The following IMMP2L variants were observed in gnomAD, a reference collection of about 807,000 sequenced individuals.
The protein encoded by IMMP2L is mitochondrial inner membrane protease subunit 2.
In IMMP2L, 18 loss-of-function variants were observed where a neutral mutation model predicts 19.3. The observed-to-expected ratio is 0.93, with a 90% CI of 0.64 to 1.38. The LOEUF (loss-of-function observed/expected upper bound fraction) is 1.38, where lower values mean the gene tolerates loss of function less well. Ranked by LOEUF, IMMP2L falls within the 40% of genes most tolerant of loss-of-function variation. The pLI, the probability that IMMP2L is intolerant of heterozygous loss-of-function variation, is 0.00. For synonymous variants in IMMP2L, 76 were observed against 73.0 expected (o/e 1.04, Z -0.21); for missense variants, 233 against 218.2 (o/e 1.07, Z -0.43).
chr7:111,346,411 T>C (rs1827569631), intron 3 of IMMP2L, among the ~76,000 whole-genome samples: 2 of 152,078 alleles, frequency 1.3e-5, no homozygotes, highest in African/African-American at 4.8e-5. Flanking sequence ...CCAGAATCTG[T>C]TATTCAATAT....
intron 2 of IMMP2L, among the ~76,000 whole-genome samples, chr7:111,513,494 G>T (rs1845629980): frequency 6.6e-6 from 1 of 152,100 alleles, no homozygotes; most frequent in South Asian, 2.1e-4. Context: ...GAGAACCCTT[G>T]TGCTCTATTG....
At chr7:110,847,862 A>G (rs968563603) in intron 5 of IMMP2L, among the ~76,000 whole-genome samples, 1 of 152,164 alleles carries the variant, frequency 6.6e-6, no homozygotes, top group Non-Finnish European at 1.5e-5. Context: ...TTGCAAAATA[A>G]TAATAATAAA....
At chr7:111,366,682 G>A (rs748107191) in intron 3 of IMMP2L, among the ~76,000 whole-genome samples, 4 of 151,898 alleles carry the variant, frequency 2.6e-5, no homozygotes, top group Admixed American at 6.6e-5. Context: ...ATTGCATTGC[G>A]ATATTTAGAG....
In IMMP2L at chr7:111,435,350, C is replaced by G. The variant is rs1487667456; in HGVS notation, c.239+51888G>C. 4.0e-5 allele frequency among the ~76,000 whole-genome samples: 6 copies of G among 151,890 alleles called. No homozygotes were observed. The South Asian group carries it at 6.2e-4, about 16-fold the overall frequency. On this transcript the variant is annotated intron_variant, in intron 3 of 5. Coordinates refer to ENST00000405709, the MANE Select transcript of IMMP2L (RefSeq NM_032549.4). ...TATACAACTTAGAATACTATGCAGTCATAAAAAAGAATGAAATAATGTCCT... is the reference window on the plus strand; with the variant it reads ...TATACAACTTAGAATACTATGCAGTGATAAAAAAGAATGAAATAATGTCCT...
intron 5 of IMMP2L, among the ~76,000 whole-genome samples, chr7:110,725,002 A>G (rs115416121): frequency 0.013 from 1,907 of 152,320 alleles, 36 homozygotes; most frequent in African/African-American, 0.043. Context: ...CTGAGGGAGT[A>G]TAGAATAGCA....
chr7:110,775,501 C>T lies in IMMP2L; in HGVS notation c.408+111092G>A, dbSNP rs565072908. Among the ~76,000 whole-genome samples the T allele has an allele frequency of 2.0e-5, 3 of 152,122 alleles. 1 individual carries two copies. The highest frequency in any genetic ancestry group is 7.2e-5 in the African/African-American group (3 of 41,538). On this transcript the variant is annotated intron_variant, in intron 5 of 5. Coordinates refer to ENST00000405709, the MANE Select transcript of IMMP2L (RefSeq NM_032549.4). The stretch of plus-strand genomic sequence containing the variant: ...CTTAAACTAGTAGAGAAAACCATGA[C>T]TAGAGAGCAGCCCATGGAGGTTTTA...
intron 5 of IMMP2L, among the ~76,000 whole-genome samples, chr7:110,810,264 T>C (rs1801945024): frequency 6.6e-6 from 1 of 152,120 alleles, no homozygotes; most frequent in African/African-American, 2.4e-5. Flanking sequence ...AATTCACATA[T>C]GGCTGCTGAT....
intron 3 of IMMP2L, among the ~76,000 whole-genome samples, chr7:111,447,625 G>C (rs576242957): frequency 6.6e-6 from 1 of 151,420 alleles, no homozygotes. Context: ...AAAGACCATC[G>C]AGACTAGGAA....
chr7:110,860,179 C>G (rs886366904), intron 5 of IMMP2L, among the ~76,000 whole-genome samples: 3 of 151,630 alleles, frequency 2.0e-5, no homozygotes, highest in Non-Finnish European at 4.4e-5. Flanking sequence ...TATATAAAGC[C>G]AAGAAACTGA....
At position 110,725,412 on chromosome 7, in the gene IMMP2L, A is replaced by G. The variant is rs115508836; in HGVS notation, c.409-61691T>C. Among the ~76,000 whole-genome samples the G allele has an allele frequency of 5.3e-3, 811 of 152,308 alleles. 10 individuals are homozygous for G. The highest frequency in any genetic ancestry group is 0.019 in the African/African-American group (774 of 41,592). ...TCTTGGCCTCCTATCCTTTGGAAATAGATGAAAGATTTTATTAATAATTAA... is the reference window on the plus strand; with the variant it reads ...TCTTGGCCTCCTATCCTTTGGAAATGGATGAAAGATTTTATTAATAATTAA... On this transcript the variant is annotated intron_variant, in intron 5 of 5. Coordinates refer to ENST00000405709, the MANE Select transcript of IMMP2L (RefSeq NM_032549.4).
intron 3 of IMMP2L, among the ~76,000 whole-genome samples, chr7:111,241,699 G>GTA (rs1291776950): frequency 2.7e-5 from 4 of 150,598 alleles, no homozygotes; most frequent in East Asian, 1.9e-4. Flanking sequence ...AGTATAAATT[G>GTA]TATATATATA....
intron 3 of IMMP2L, among the ~76,000 whole-genome samples, chr7:111,084,214 T>G (rs1293282903): frequency 6.6e-6 from 1 of 151,200 alleles, no homozygotes; most frequent in Admixed American, 6.6e-5. Context: ...AAAATCAAGT[T>G]GTATATGGTG....
At chr7:111,548,296 A>AT (rs991192466) in intron 1 of IMMP2L, among the ~76,000 whole-genome samples, 1 of 152,078 alleles carries the variant, frequency 6.6e-6, no homozygotes, top group Admixed American at 6.6e-5. Context: ...TGCTTTTAAA[A>AT]TTTTCTTCTC....
At chr7:111,495,102 A>G (rs1843469445) in intron 2 of IMMP2L, among the ~76,000 whole-genome samples, 1 of 152,106 alleles carries the variant, frequency 6.6e-6, no homozygotes, top group Non-Finnish European at 1.5e-5. Context: ...TACACCCGTT[A>G]TGTTTTACAT....
In IMMP2L at chr7:111,269,156, C is replaced by T. The variant is rs79174620; in HGVS notation, c.239+218082G>A. Among the ~76,000 whole-genome samples, 8 of 152,134 alleles carry T rather than the reference C, an allele frequency of 5.3e-5. No individual in the cohort carries two copies. The East Asian group carries it at 5.8e-4, about 11-fold the overall frequency. Reference sequence around the variant, plus strand: ...GGCACTGGCAGGGCAGAGTTTGTGGCGATAAGAGGCTTCACTGTAAAATTT... The same window carrying T: ...GGCACTGGCAGGGCAGAGTTTGTGGTGATAAGAGGCTTCACTGTAAAATTT... On this transcript the variant is annotated intron_variant, in intron 3 of 5. Coordinates refer to ENST00000405709, the MANE Select transcript of IMMP2L (RefSeq NM_032549.4).
intron 5 of IMMP2L, among the ~76,000 whole-genome samples, chr7:110,831,535 C>T (rs2131384836): frequency 6.6e-6 from 1 of 152,206 alleles, no homozygotes; most frequent in Non-Finnish European, 1.5e-5. Flanking sequence ...CTTGTTATAG[C>T]CCCTAAAATA....
chr7:110,703,074 G>C (rs546110640), intron 5 of IMMP2L, among the ~76,000 whole-genome samples: 46 of 152,190 alleles, frequency 3.0e-4, no homozygotes, highest in African/African-American at 1.1e-3. Context: ...GTTGCTGTAG[G>C]TTTTTATAGG....
At chr7:111,177,964 A>G (rs1010864510) in intron 3 of IMMP2L, among the ~76,000 whole-genome samples, 5 of 152,028 alleles carry the variant, frequency 3.3e-5, no homozygotes, top group African/African-American at 1.2e-4. Context: ...GATTAACTTG[A>G]TATTTGAAAA....
intron 1 of IMMP2L, among the ~76,000 whole-genome samples, chr7:111,553,239 T>A (rs926247007): frequency 6.6e-6 from 1 of 152,156 alleles, no homozygotes; most frequent in Non-Finnish European, 1.5e-5. Context: ...AGAAAACAGA[T>A]CTGGAACCCA....
Sources: allele counts gnomAD v4.1 joint callset (sites outside exome capture counted in the v4.1 genomes callset), GRCh38; gene constraint gnomAD v4.1.1; transcripts MANE v1.5; gene names NCBI Gene and HGNC (gene_info 2026-07-23, HGNC 2026-07-21).